The following FOXN4 variants were observed in gnomAD, a reference collection of about 807,000 sequenced individuals.
The protein encoded by FOXN4 is forkhead box N4.
In FOXN4, 12 loss-of-function variants were observed where a neutral mutation model predicts 45.0. That is an observed-to-expected ratio of 0.27 (90% CI 0.17 to 0.43). The LOEUF is 0.43. Ranked by LOEUF, FOXN4 falls within the 20% of genes least tolerant of loss-of-function variation. FOXN4 has a pLI of 1.00. For missense variants in FOXN4, 560 were observed against 694.9 expected (o/e 0.81, Z 2.18); for synonymous variants, 297 against 295.0 (o/e 1.01, Z -0.07).
At chr12:109,292,346 C>T (rs1416669072) in intron 2 of FOXN4, among the ~76,000 whole-genome samples, 1 of 152,118 alleles carries the variant, frequency 6.6e-6, no homozygotes, top group Non-Finnish European at 1.5e-5. Flanking sequence ...AACCCAGGTT[C>T]CTAAGTGCCA....
In FOXN4 at chr12:109,279,780, G is replaced by A. The variant is rs200708160; in HGVS notation, c.1445C>T (p.Thr482Met). 23 of 1,604,276 alleles carry A rather than the reference G, an allele frequency of 1.4e-5. No homozygotes were observed. Among genetic ancestry groups the A allele is most frequent in the Admixed American group, 1.7e-5 (1 of 58,252 alleles). Residue 482 changes from threonine (T) to methionine (M), a missense_variant, in exon 10 of 10, where the codon ACG becomes ATG. By Grantham distance (81) the Thr-to-Met change is moderately conservative. This residue lies in a region of FOXN4 where 315 missense variants were observed against 350.5 expected (regional missense o/e 0.90). Coordinates refer to ENST00000299162, the MANE Select transcript of FOXN4 (RefSeq NM_213596.3). ...SDQSFPDLQV[T>M]GLYTAYSTPD... ...AGTGGAGTACGCTGTGTAGAGACCCGTCACCTGCAAGTCTGGGAAGGACTG... is the reference window on the plus strand; with the variant it reads ...AGTGGAGTACGCTGTGTAGAGACCCATCACCTGCAAGTCTGGGAAGGACTG...
Position 109,289,400 on chromosome 12 carries a change from C to A in FOXN4, c.232+741G>T, listed in dbSNP as rs12368972. On this transcript the variant is annotated intron_variant, in intron 3 of 9. Coordinates refer to ENST00000299162, the MANE Select transcript of FOXN4 (RefSeq NM_213596.3). ...AAATCTAAAATATTTACTACCTGGC[C>A]CTTGACAGAAAATTTGCTGACCCCT... 5.3e-5 allele frequency among the ~76,000 whole-genome samples: 8 copies of A among 152,166 alleles called. No homozygotes were observed. In the South Asian group the frequency reaches 6.2e-4, roughly 12 times the overall value.
At chr12:109,297,125 T>C (rs1397660904) in intron 2 of FOXN4, among the ~76,000 whole-genome samples, 2 of 152,146 alleles carry the variant, frequency 1.3e-5, no homozygotes, top group Non-Finnish European at 2.9e-5. Flanking sequence ...AGAAGTGTGC[T>C]CTATTACAGA....
intron 2 of FOXN4, among the ~76,000 whole-genome samples, chr12:109,303,191 G>C (rs994324193): frequency 6.6e-6 from 1 of 152,126 alleles, no homozygotes; most frequent in African/African-American, 2.4e-5. Context: ...ACCACAGAGA[G>C]GCTACCTCTC....
intron 9 of FOXN4, 99 bp from the exon 10 acceptor site, chr12:109,280,029 T>C: frequency 1.3e-6 from 2 of 1,522,258 alleles, no homozygotes; most frequent in Admixed American, 3.5e-5. Flanking sequence ...ATGTGTGGTG[T>C]CTAAGTCATG....
chr12:109,285,429 C>A lies in FOXN4; in HGVS notation c.776G>T (p.Ser259Ile), dbSNP rs1443385885. The A allele has an allele frequency of 8.7e-6, 14 of 1,614,070 alleles. No homozygotes were observed. Among genetic ancestry groups the A allele is most frequent in the Non-Finnish European group, 1.2e-5 (14 of 1,179,922 alleles). The change falls in exon 8 of 10, where the codon AGC becomes ATC. Residue 259 changes from serine to isoleucine, a missense_variant. Ser to Ile is a moderately radical substitution (Grantham distance 142). Coordinates refer to ENST00000299162, the MANE Select transcript of FOXN4 (RefSeq NM_213596.3). ...KCFEKVENKM[S>I]GSSRKGCLWA... The stretch of plus-strand genomic sequence containing the variant: ...CAGGCAGCCCTTGCGGGAGGAGCCG[C>A]TCATCTTGTTCTCCACCTTCTCGAA...
At position 109,287,977 on chromosome 12, in the gene FOXN4, G is replaced by C. The variant is rs1380081538; in HGVS notation, c.358-23C>G. Reference sequence around the variant, plus strand: ...CATCTGCTGGGCAGGAAGAGGAGGAGACAGAGGGTCACGGTGGGGGTAGAC... The same window carrying C: ...CATCTGCTGGGCAGGAAGAGGAGGACACAGAGGGTCACGGTGGGGGTAGAC... On this transcript the variant is annotated intron_variant, in intron 4 of 9. Transcript: ENST00000299162. The surrounding 1 kb of genome is among the most constrained non-coding windows in gnomAD (Gnocchi z 4.1). 2.6e-6 allele frequency: 4 copies of C among 1,549,742 alleles called. No homozygotes were observed. The South Asian group carries it at 4.8e-5, about 18-fold the overall frequency.
chr12:109,307,518 C>G (rs1005244587), intron 2 of FOXN4, among the ~76,000 whole-genome samples: 3 of 152,078 alleles, frequency 2.0e-5, no homozygotes, highest in Non-Finnish European at 4.4e-5. Flanking sequence ...GTTTCCCCAA[C>G]TGTAAAAAAA....
At chr12:109,297,288 G>A (rs2047826789) in intron 2 of FOXN4, among the ~76,000 whole-genome samples, 1 of 152,236 alleles carries the variant, frequency 6.6e-6, no homozygotes, top group Non-Finnish European at 1.5e-5. Flanking sequence ...ACCCTATTGT[G>A]AACTGCACAT....
chr12:109,286,630 C>T lies in FOXN4; in HGVS notation c.693+18G>A, dbSNP rs947093627. On this transcript the variant is annotated intron_variant, in intron 7 of 9. Transcript: ENST00000299162. ...GACCAGGGCAGCTCCAGCACCCCTA[C>T]CCTAGCTTGGGACTCACCTTGAAGT... 3 of 1,598,412 alleles carry T rather than the reference C, an allele frequency of 1.9e-6. No individual in the cohort carries two copies. The highest frequency in any genetic ancestry group is 1.7e-5 in the Admixed American group (1 of 57,392).
chr12:109,290,422 C>T lies in FOXN4; in HGVS notation c.87-136G>A. On this transcript the variant is annotated intron_variant, in intron 2 of 9. Transcript: ENST00000299162. The surrounding 1 kb of genome is among the most constrained non-coding windows in gnomAD (Gnocchi z 5.1). The stretch of plus-strand genomic sequence containing the variant: ...ACGCCAGCCCTCCAACCTGCCCGTC[C>T]CCAGGACTGGACACGGGAACCTGGT... 1.8e-6 allele frequency: 2 copies of T among 1,082,460 alleles called. No individual in the cohort carries two copies. Among genetic ancestry groups the T allele is most frequent in the Non-Finnish European group, 2.6e-6 (2 of 774,770 alleles). 67.1% of individuals were successfully genotyped at this position (1,082,460 alleles called of 1,614,324 possible). A position where few individuals can be genotyped will look rare whatever the true frequency, so the allele number is the denominator to read the frequency against.
rs1944530896 is a variant in FOXN4, at chr12:109,290,488, T to C, written c.87-202A>G. 6.6e-6 allele frequency among the ~76,000 whole-genome samples: 1 copy of C among 152,196 alleles called. No homozygotes were observed. Among genetic ancestry groups the C allele is most frequent in the Admixed American group, 6.5e-5 (1 of 15,284 alleles). ...GCAGCCAGATCTTTCATCCTCATCA[T>C]TCCTTCCTTAGCCCACTTAACGCAT... is the stretch of plus-strand genomic sequence containing the variant. On this transcript the variant is annotated intron_variant, in intron 2 of 9. Transcript: ENST00000299162. This position sits in a 1 kb window ranked among gnomAD's most constrained non-coding sequence, Gnocchi z 5.1.
chr12:109,287,612 A>C lies in FOXN4; in HGVS notation c.469-88T>G. 7.0e-7 allele frequency: 1 copy of C among 1,429,648 alleles called. No individual in the cohort carries two copies. The highest frequency in any genetic ancestry group is 9.3e-7 in the Non-Finnish European group (1 of 1,079,424). 88.6% of individuals were successfully genotyped at this position (1,429,648 alleles called of 1,614,324 possible). A position where few individuals can be genotyped will look rare whatever the true frequency, so the allele number is the denominator to read the frequency against. ...CGTCACTCACAGTAACACTGTCCCC[A>C]CCCCAGTTTCAAAACACCTTGTGTG... On this transcript the variant is annotated intron_variant, in intron 5 of 9. Coordinates refer to ENST00000299162, the MANE Select transcript of FOXN4 (RefSeq NM_213596.3). The surrounding 1 kb of genome is among the most constrained non-coding windows in gnomAD (Gnocchi z 4.1).
At chr12:109,292,566 G>A (rs1218779801) in intron 2 of FOXN4, among the ~76,000 whole-genome samples, 1 of 152,168 alleles carries the variant, frequency 6.6e-6, no homozygotes, top group African/African-American at 2.4e-5. Flanking sequence ...ATATGTAATT[G>A]TATGTAAAGC....
intron 9 of FOXN4, 92 bp downstream of exon 9, chr12:109,281,315 G>T: frequency 2.1e-6 from 3 of 1,443,374 alleles, no homozygotes; most frequent in Admixed American, 2.0e-5. Flanking sequence ...TGGGGCAAAT[G>T]CAGGCAGTAC....
intron 2 of FOXN4, among the ~76,000 whole-genome samples, chr12:109,296,298 G>A (rs959594291): frequency 9.9e-5 from 15 of 152,166 alleles, no homozygotes; most frequent in African/African-American, 2.7e-4. Flanking sequence ...GGTGACCCCC[G>A]TGCTCTCACT....
intron 2 of FOXN4, among the ~76,000 whole-genome samples, chr12:109,296,114 C>A (rs1227797039): frequency 2.0e-5 from 3 of 152,240 alleles, no homozygotes; most frequent in African/African-American, 7.2e-5. Flanking sequence ...ACCCTACTCA[C>A]CTACAGTCCC....
chr12:109,285,867 C>CT (rs10685255), intron 7 of FOXN4, among the ~76,000 whole-genome samples: 52,731 of 140,686 alleles, frequency 0.37, 10,737 homozygotes, highest in East Asian at 0.62. Context: ...TGCAAATTTA[C>CT]TTTTTTTTTT....
At chr12:109,292,874 G>C (rs748377669) in intron 2 of FOXN4, among the ~76,000 whole-genome samples, 5 of 152,206 alleles carry the variant, frequency 3.3e-5, no homozygotes, top group African/African-American at 1.2e-4. Flanking sequence ...AGGATTACAC[G>C]AAGTCACGTA....
Sources: allele counts gnomAD v4.1 joint callset (sites outside exome capture counted in the v4.1 genomes callset), GRCh38; gene constraint gnomAD v4.1.1; regional missense constraint gnomAD v4.1.1; non-coding constraint Gnocchi (gnomAD v3.1); transcripts MANE v1.5; gene names NCBI Gene and HGNC (gene_info 2026-07-23, HGNC 2026-07-21).